The following KCNQ1OT1 variants were observed in gnomAD, a reference collection of about 807,000 sequenced individuals.
KCNQ1OT1 encodes the protein KCNQ1 opposite strand/antisense transcript 1.
At position 2,666,154 on chromosome 11, in the gene KCNQ1OT1, G is replaced by A. The variant is rs1041968503; in HGVS notation, n.33841C>T. 7.7e-4 allele frequency: 305 copies of A among 398,594 alleles called. 2 individuals carry two copies. Among genetic ancestry groups the A allele is most frequent in the Middle Eastern group, 6.2e-4 (1 of 1,612 alleles). The allele number at this position is 398,594 out of a possible 1,614,324, so 24.7% of individuals were successfully genotyped here. On this transcript the variant is annotated non_coding_transcript_exon_variant, in exon 1 of 1. Coordinates refer to ENST00000597346, the Ensembl canonical transcript of KCNQ1OT1. ...TCTTCTGTTTTGGCATCTTAGATGG[G>A]CAAGCCCCAGCTCGAGGTTAACAGA...
chr11:2,694,619 G>A (rs1850643405), exon 1 of KCNQ1OT1: 1 of 398,580 alleles, frequency 2.5e-6, no homozygotes, highest in Non-Finnish European at 4.4e-6. Flanking sequence ...TTCAATAAAT[G>A]AATGAAACCA....
chr11:2,688,539 C>A, exon 1 of KCNQ1OT1: 1 of 398,734 alleles, frequency 2.5e-6, no homozygotes, highest in South Asian at 1.3e-4. Context: ...GCCAGTGGCC[C>A]TAGTGTCAAG....
chr11:2,627,549 G>A lies in KCNQ1OT1; in HGVS notation n.72446C>T. 1 of 398,452 alleles carries A rather than the reference G, an allele frequency of 2.5e-6. No individual in the cohort carries two copies. The highest frequency in any genetic ancestry group is 4.4e-6 in the Non-Finnish European group (1 of 226,038). 24.7% of individuals were successfully genotyped at this position (398,452 alleles called of 1,614,324 possible). A position where few individuals can be genotyped will look rare whatever the true frequency, so the allele number is the denominator to read the frequency against. On this transcript the variant is annotated non_coding_transcript_exon_variant, in exon 1 of 1. Transcript: ENST00000597346. The surrounding 1 kb of genome is among the most constrained non-coding windows in gnomAD (Gnocchi z 4.9). The stretch of plus-strand genomic sequence containing the variant: ...TTCCATATGTAACTGGGATAGTGCA[G>A]TATTTGTCTTTCTGTGTCTGGCTAT...
chr11:2,644,629 T>A (rs1849638639), exon 1 of KCNQ1OT1: 1 of 398,524 alleles, frequency 2.5e-6, no homozygotes, highest in Non-Finnish European at 4.4e-6. Flanking sequence ...TCATGTTTCT[T>A]GTGTGCTTAC....
At chr11:2,637,789 A>C (rs1396238746) in exon 1 of KCNQ1OT1, 1 of 152,160 alleles carries the variant, frequency 6.6e-6, no homozygotes, top group East Asian at 1.9e-4. Flanking sequence ...TGGGGTGTTA[A>C]AGTCTCCCAT....
At chr11:2,646,942 A>G in exon 1 of KCNQ1OT1, 1 of 398,668 alleles carries the variant, frequency 2.5e-6, no homozygotes, top group Non-Finnish European at 4.4e-6. Context: ...GCAAAGGACA[A>G]TATGACATTC....
rs891043709 is a variant in KCNQ1OT1, at chr11:2,691,970, T to C, written n.8025A>G. The stretch of plus-strand genomic sequence containing the variant: ...CACTAAATGCCAGTGCCTTTCTCTA[T>C]GCAAACCATTTCCCTAAGCTGTTCC... On this transcript the variant is annotated non_coding_transcript_exon_variant, in exon 1 of 1. Coordinates refer to ENST00000597346, the Ensembl canonical transcript of KCNQ1OT1. The surrounding 1 kb of genome is among the most constrained non-coding windows in gnomAD (Gnocchi z 6.4). The C allele has an allele frequency of 5.0e-6, 2 of 398,522 alleles. No individual in the cohort carries two copies. Among genetic ancestry groups the C allele is most frequent in the Non-Finnish European group, 8.8e-6 (2 of 226,096 alleles). The allele number at this position is 398,522 out of a possible 1,614,324, so 24.7% of individuals were successfully genotyped here. A position where few individuals can be genotyped will look rare whatever the true frequency, so the allele number is the denominator to read the frequency against.
chr11:2,636,493 A>G (rs1190343282), exon 1 of KCNQ1OT1: 2 of 152,146 alleles, frequency 1.3e-5, no homozygotes, highest in Non-Finnish European at 2.9e-5. Flanking sequence ...ATGTTTATTG[A>G]TTTGCATATG....
At chr11:2,625,042 C>T (rs933093799) in exon 1 of KCNQ1OT1, 21 of 398,566 alleles carry the variant, frequency 5.3e-5, no homozygotes, top group Admixed American at 1.3e-4. Flanking sequence ...CCACTACAAT[C>T]GTGGGTATAC....
At chr11:2,616,660 G>C (rs1849069587) in exon 1 of KCNQ1OT1, 2 of 398,126 alleles carry the variant, frequency 5.0e-6, no homozygotes, top group Admixed American at 8.8e-5. Context: ...TTTTTAAAGA[G>C]TGTGTAGTTT....
Position 2,657,337 on chromosome 11 carries a change from T to C in KCNQ1OT1, n.42658A>G, listed in dbSNP as rs928423971. On this transcript the variant is annotated non_coding_transcript_exon_variant, in exon 1 of 1. Transcript: ENST00000597346. This position sits in a 1 kb window ranked among gnomAD's most constrained non-coding sequence, Gnocchi z 4.8. ...TTTTCAGTATTGAGTCTTCTAGTCA[T>C]TGGAATGAAGGCATATTTCTCCATT... The C allele has an allele frequency of 1.0e-5, 4 of 398,524 alleles. No homozygotes were observed. The highest frequency in any genetic ancestry group is 1.3e-5 in the Non-Finnish European group (3 of 226,068). 24.7% of individuals were successfully genotyped at this position (398,524 alleles called of 1,614,324 possible). A position where few individuals can be genotyped will look rare whatever the true frequency, so the allele number is the denominator to read the frequency against.
chr11:2,631,594 C>G, exon 1 of KCNQ1OT1: 2 of 398,204 alleles, frequency 5.0e-6, no homozygotes, highest in Non-Finnish European at 8.9e-6. Context: ...GGAGTCAGTC[C>G]CTGAAAATTA....
chr11:2,614,343 T>G, exon 1 of KCNQ1OT1: 1 of 398,572 alleles, frequency 2.5e-6, no homozygotes, highest in Non-Finnish European at 4.4e-6. Flanking sequence ...TTTAGTCTTC[T>G]GTGCACCCTT....
exon 1 of KCNQ1OT1, chr11:2,689,725 C>G (rs1850557959): frequency 2.5e-6 from 1 of 398,570 alleles, no homozygotes; most frequent in African/African-American, 2.1e-5. Context: ...GCCTAGAGTG[C>G]CAGAGACTTA....
rs1849919372 is a variant in KCNQ1OT1 at position 2,659,859 on chromosome 11, C to T, written n.40136G>A. 1 of 398,038 alleles carries T rather than the reference C, an allele frequency of 2.5e-6. No homozygotes were observed. Among genetic ancestry groups the T allele is most frequent in the Non-Finnish European group, 4.4e-6 (1 of 225,942 alleles). The allele number at this position is 398,038 out of a possible 1,614,324, so 24.7% of individuals were successfully genotyped here. A position where few individuals can be genotyped will look rare whatever the true frequency, so the allele number is the denominator to read the frequency against. ...TGTTAATTATGTATCTTTTCATGTGCTTATTTATAATCCATTTTTAAAATT... is the reference window on the plus strand; with the variant it reads ...TGTTAATTATGTATCTTTTCATGTGTTTATTTATAATCCATTTTTAAAATT... On this transcript the variant is annotated non_coding_transcript_exon_variant, in exon 1 of 1. Transcript: ENST00000597346. This position sits in a 1 kb window ranked among gnomAD's most constrained non-coding sequence, Gnocchi z 4.3.
rs916110906 is a variant in KCNQ1OT1, at chr11:2,608,399, C to T, written n.91596G>A. 5 of 398,562 alleles carry T rather than the reference C, an allele frequency of 1.3e-5. No individual in the cohort carries two copies. Among genetic ancestry groups the T allele is most frequent in the East Asian group, 3.6e-5 (1 of 28,070 alleles). The allele number at this position is 398,562 out of a possible 1,614,324, so 24.7% of individuals were successfully genotyped here. A position where few individuals can be genotyped will look rare whatever the true frequency, so the allele number is the denominator to read the frequency against. On this transcript the variant is annotated non_coding_transcript_exon_variant, in exon 1 of 1. Coordinates refer to ENST00000597346, the Ensembl canonical transcript of KCNQ1OT1. The surrounding 1 kb of genome is among the most constrained non-coding windows in gnomAD (Gnocchi z 4.6). ...ATCTAAGTTTTATAATTTATTGGCA[C>T]AAAATTGTTCATAGTGTTCCTTCAT...
rs1196659086 is a variant in KCNQ1OT1 at position 2,611,080 on chromosome 11, A to G, written n.88915T>C. 2.5e-6 allele frequency: 1 copy of G among 398,254 alleles called. No homozygotes were observed. Among genetic ancestry groups the G allele is most frequent in the East Asian group, 3.6e-5 (1 of 28,054 alleles). The allele number at this position is 398,254 out of a possible 1,614,324, so 24.7% of individuals were successfully genotyped here. On this transcript the variant is annotated non_coding_transcript_exon_variant, in exon 1 of 1. Transcript: ENST00000597346. The surrounding 1 kb of genome is among the most constrained non-coding windows in gnomAD (Gnocchi z 5.3). ...CTTCAGGGCTGTGTTTTTAGCTGTTATAAATTTTTATTTCTTTATGACTTC... is the reference window on the plus strand; with the variant it reads ...CTTCAGGGCTGTGTTTTTAGCTGTTGTAAATTTTTATTTCTTTATGACTTC...
chr11:2,630,303 TCA>T, exon 1 of KCNQ1OT1: 2 of 398,264 alleles, frequency 5.0e-6, no homozygotes, highest in Non-Finnish European at 8.9e-6. Flanking sequence ...GCTGTTAAAT[TCA>T]GTTTGATCAT....
rs1850298400 is a variant in KCNQ1OT1, at chr11:2,676,555, G to A, written n.23440C>T. 2 of 398,548 alleles carry A rather than the reference G, an allele frequency of 5.0e-6. No individual in the cohort carries two copies. The highest frequency in any genetic ancestry group is 1.3e-4 in the South Asian group (1 of 7,868). 24.7% of individuals were successfully genotyped at this position (398,548 alleles called of 1,614,324 possible). A position where few individuals can be genotyped will look rare whatever the true frequency, so the allele number is the denominator to read the frequency against. ...AGGTAGTGGTACAGGAAAGGTCTAA[G>A]AAGGCTAAGGACCATCATACTGGGT... On this transcript the variant is annotated non_coding_transcript_exon_variant, in exon 1 of 1. Coordinates refer to ENST00000597346, the Ensembl canonical transcript of KCNQ1OT1. This position sits in a 1 kb window ranked among gnomAD's most constrained non-coding sequence, Gnocchi z 4.2.
Sources: gnomAD v4.1 joint callset for allele counts on GRCh38, gnomAD v4.1.1 for gene constraint, Gnocchi (gnomAD v3.1) non-coding constraint, MANE v1.5 for transcripts, NCBI Gene and HGNC (gene_info 2026-07-23, HGNC 2026-07-21) for gene names.